The following MCU variants were observed in gnomAD, a reference collection of about 807,000 sequenced individuals.
MCU encodes the protein mitochondrial calcium uniporter, also known as calcium uniporter protein, mitochondrial.
Under a neutral mutation model 45.2 loss-of-function variants are expected in MCU, and 12 were observed. The ratio of observed to expected loss-of-function variants is 0.27; its 90% CI spans 0.17 to 0.43. The LOEUF is 0.43. Among genes scored for constraint, MCU ranks in the 20% least tolerant of loss-of-function variants. The probability of loss-of-function intolerance (pLI) is 1.00; values close to 1 mark genes in which losing one functional copy is unlikely to be tolerated. For missense variants in MCU, 324 were observed against 436.7 expected (o/e 0.74, Z 2.30); for synonymous variants, 160 against 165.1 (o/e 0.97, Z 0.24).
At position 72,871,419 on chromosome 10, in the gene MCU, TTGGTGCTATGGGG is replaced by T. The variant is rs1845541127; in HGVS notation, c.704_716del (p.Val235AlafsTer28). ...CAGAAAAGCTGAGAAGAGGACCACTTTGGTGCTATGGGGTGGCCTTGCCTACATGGCCACACAG... is the reference window on the plus strand; with the variant it reads ...CAGAAAAGCTGAGAAGAGGACCACTTTGGCCTTGCCTACATGGCCACACAG... On this transcript the variant is annotated frameshift_variant, in exon 6 of 8. Coordinates refer to ENST00000373053, the MANE Select transcript of MCU (RefSeq NM_138357.3). LOFTEE classifies it high-confidence loss of function. The T allele has an allele frequency of 6.2e-7, 1 of 1,613,984 alleles. No homozygotes were observed. The highest frequency in any genetic ancestry group is 8.5e-7 in the Non-Finnish European group (1 of 1,179,992).
chr10:72,819,053 TAGATA>T (rs1240027243), intron 1 of MCU, among the ~76,000 whole-genome samples: 2 of 152,134 alleles, frequency 1.3e-5, no homozygotes. Flanking sequence ...GACAGAACAA[TAGATA>T]AGATATTTTG....
chr10:72,874,973 T>C (rs937759460), intron 6 of MCU, among the ~76,000 whole-genome samples: 3 of 152,216 alleles, frequency 2.0e-5, no homozygotes, highest in Admixed American at 6.5e-5. Flanking sequence ...AGCCTAATTA[T>C]GTGTCCAGCA....
chr10:72,717,283 A>T (rs1842966404), intron 1 of MCU, among the ~76,000 whole-genome samples: 1 of 149,566 alleles, frequency 6.7e-6, no homozygotes, highest in Non-Finnish European at 1.5e-5. Flanking sequence ...TTTTGGAGAT[A>T]CAGTCTCGCT....
chr10:72,864,704 A>C (rs73288622), intron 4 of MCU, among the ~76,000 whole-genome samples: 15,428 of 151,028 alleles, frequency 0.1, 2,523 homozygotes, highest in African/African-American at 0.35. Context: ...GTGCCCCAAC[A>C]CCCCCGCCAC....
intron 3 of MCU, 90 bp from the exon 4 acceptor site, chr10:72,860,333 A>AT: frequency 8.8e-7 from 1 of 1,140,490 alleles, no homozygotes; most frequent in Non-Finnish European, 1.3e-6. Flanking sequence ...GGAAGAGGTA[A>AT]TTTTTAAAAA....
intron 1 of MCU, among the ~76,000 whole-genome samples, chr10:72,800,921 A>G (rs923148843): frequency 6.6e-6 from 1 of 152,196 alleles, no homozygotes; most frequent in African/African-American, 2.4e-5. Flanking sequence ...CAACATAGCA[A>G]GACCCTGTCT....
At chr10:72,804,875 G>A (rs1008726121) in intron 1 of MCU, among the ~76,000 whole-genome samples, 4 of 152,200 alleles carry the variant, frequency 2.6e-5, no homozygotes, top group South Asian at 2.1e-4. Context: ...AGGCCCAAGC[G>A]ATCTTGCCAC....
chr10:72,845,226 T>C (rs1845103708), intron 2 of MCU, among the ~76,000 whole-genome samples: 1 of 152,170 alleles, frequency 6.6e-6, no homozygotes, highest in Non-Finnish European at 1.5e-5. Flanking sequence ...TACAGTCAAC[T>C]TCTCTACATT....
At chr10:72,708,778 C>G (rs548075317) in intron 1 of MCU, among the ~76,000 whole-genome samples, 2 of 152,072 alleles carry the variant, frequency 1.3e-5, no homozygotes, top group Non-Finnish European at 2.9e-5. Flanking sequence ...AAAACAGTTT[C>G]GATTGTGCTG....
intron 1 of MCU, among the ~76,000 whole-genome samples, chr10:72,763,596 A>G (rs1843685330): frequency 6.6e-6 from 1 of 152,132 alleles, no homozygotes; most frequent in Non-Finnish European, 1.5e-5. Flanking sequence ...GAAAGGTTTG[A>G]TTATGGTGGG....
At chr10:72,744,921 G>C (rs759891610) in intron 1 of MCU, among the ~76,000 whole-genome samples, 1 of 152,146 alleles carries the variant, frequency 6.6e-6, no homozygotes, top group Non-Finnish European at 1.5e-5. Context: ...TGAATGTTTA[G>C]TATAAGATAG....
chr10:72,801,072 G>A lies in MCU; in HGVS notation c.151-33287G>A, dbSNP rs182579768. On this transcript the variant is annotated intron_variant, in intron 1 of 7. Transcript: ENST00000373053. ...TGCACCACTGCACCCCAGCCTGAAC[G>A]ATAGAGTGAGACCCTGTCTCTTAAA... 4.5e-4 allele frequency among the ~76,000 whole-genome samples: 69 copies of A among 152,248 alleles called. No homozygotes were observed. The East Asian group carries it at 0.011, about 24-fold the overall frequency.
rs1040349538 is a variant in MCU, at chr10:72,715,456, C to G, written c.150+23155C>G. On this transcript the variant is annotated intron_variant, in intron 1 of 7. Coordinates refer to ENST00000373053, the MANE Select transcript of MCU (RefSeq NM_138357.3). ...TGGTACACCCTAAGGGATAATATAT[C>G]TGATCTTAGCCTGATTAGACCATAT... is the stretch of plus-strand genomic sequence containing the variant. Among the ~76,000 whole-genome samples, 6 of 152,114 alleles carry G rather than the reference C, an allele frequency of 3.9e-5. No homozygotes were observed. The South Asian group carries it at 8.3e-4, about 21-fold the overall frequency.
intron 7 of MCU, 175 bp downstream of exon 7, chr10:72,884,557 T>C (rs1306478867): frequency 2.0e-6 from 1 of 502,004 alleles, no homozygotes; most frequent in Non-Finnish European, 3.5e-6. Context: ...GACATTTCTC[T>C]AGAAAGTTTT....
At chr10:72,795,139 T>C (rs187220243) in intron 1 of MCU, among the ~76,000 whole-genome samples, 24 of 152,270 alleles carry the variant, frequency 1.6e-4, no homozygotes, top group African/African-American at 5.8e-4. Flanking sequence ...TGTCCTAAAA[T>C]CTCCTCATTG....
At chr10:72,694,640 A>C (rs931698294) in intron 1 of MCU, among the ~76,000 whole-genome samples, 1 of 152,206 alleles carries the variant, frequency 6.6e-6, no homozygotes, top group Non-Finnish European at 1.5e-5. Flanking sequence ...CTAAGGTTGA[A>C]TCTTGCTTGG....
At chr10:72,815,891 TA>T (rs1250826941) in intron 1 of MCU, among the ~76,000 whole-genome samples, 1 of 152,196 alleles carries the variant, frequency 6.6e-6, no homozygotes, top group Non-Finnish European at 1.5e-5. Flanking sequence ...CTTGATATTA[TA>T]AAAATAAATA....
At chr10:72,866,047 G>A (rs1845450806) in intron 4 of MCU, among the ~76,000 whole-genome samples, 1 of 152,144 alleles carries the variant, frequency 6.6e-6, no homozygotes, top group South Asian at 2.1e-4. Context: ...AAAGTGCTGG[G>A]ATTACAGGTG....
intron 1 of MCU, among the ~76,000 whole-genome samples, chr10:72,826,986 ACTGTGC>A (rs1339700875): frequency 2.0e-5 from 3 of 152,160 alleles, no homozygotes; most frequent in Non-Finnish European, 4.4e-5. Context: ...TTAATCTCTT[ACTGTGC>A]CTAATTTATA....
Sources: allele counts gnomAD v4.1 joint callset (sites outside exome capture counted in the v4.1 genomes callset), GRCh38; gene constraint gnomAD v4.1.1; transcripts MANE v1.5; gene names NCBI Gene and HGNC (gene_info 2026-07-23, HGNC 2026-07-21).